KAT7: variants seen among roughly 807,000 people sequenced by gnomAD.
The protein encoded by KAT7 is histone acetyltransferase KAT7.
In KAT7, 10 loss-of-function variants were observed where a neutral mutation model predicts 82.1. The observed-to-expected ratio is 0.12, with a 90% CI of 0.08 to 0.21. KAT7 has a LOEUF of 0.21. Ranked by LOEUF, KAT7 falls within the 10% of genes least tolerant of loss-of-function variation. The pLI, the probability that KAT7 is intolerant of heterozygous loss-of-function variation, is 1.00. For synonymous variants in KAT7, 250 were observed against 262.5 expected, an observed-to-expected ratio of 0.95 and a Z score of 0.46; for missense variants, 378 against 760.9, an observed-to-expected ratio of 0.50 and a Z score of 5.92.
rs2074226600 is a variant in KAT7 at position 49,815,818 on chromosome 17, T to C, written c.868T>C (p.Tyr290His). 6.2e-7 allele frequency: 1 copy of C among 1,608,754 alleles called. No individual in the cohort carries two copies. The highest frequency in any genetic ancestry group is 8.5e-7 in the Non-Finnish European group (1 of 1,176,038). The change falls in exon 8 of 15, where the codon TAT becomes CAT. Residue 290 changes from tyrosine to histidine, a missense_variant. By Grantham distance (83) the Tyr-to-His change is moderately conservative (BLOSUM62 2). Coordinates refer to ENST00000259021, the MANE Select transcript of KAT7 (RefSeq NM_007067.5). The part of the protein sequence containing the change: ...KEKYMEHRQT[Y>H]GNTREPLLEN... ...ATTTTCCTAGGAACACAGACAGACC[T>C]ATGGGAACACACGGGAACCTCTTTT...
At position 49,820,568 on chromosome 17, in the gene KAT7, C is replaced by T. The variant is rs118013804; in HGVS notation, c.1156-769C>T. On this transcript the variant is annotated intron_variant, in intron 9 of 14. Transcript: ENST00000259021. ...TGCTGGGATTACAGGCGTGAGCCAC[C>T]GCATCAGGCCTTAAACATTTTAAAA... Among the ~76,000 whole-genome samples, 1,288 of 152,198 alleles carry T rather than the reference C, an allele frequency of 8.5e-3. 6 individuals are homozygous for T. The highest frequency in any genetic ancestry group is 0.011 in the Non-Finnish European group (781 of 68,018).
At position 49,827,669 on chromosome 17, in the gene KAT7, G is replaced by A. The variant is rs1007400203; in HGVS notation, c.*167G>A. ...TCCGACCTTTGTGTACACTGCAGAC[G>A]CTGGTTCTGAGGAACTGTTGTTTCG... On this transcript the variant is annotated 3_prime_UTR_variant, in exon 15 of 15. Coordinates refer to ENST00000259021, the MANE Select transcript of KAT7 (RefSeq NM_007067.5). The A allele has an allele frequency of 2.3e-5, 14 of 601,436 alleles. No individual in the cohort carries two copies. The highest frequency in any genetic ancestry group is 3.9e-5 in the Non-Finnish European group (13 of 336,596). 37.3% of individuals were successfully genotyped at this position (601,436 alleles called of 1,614,324 possible).
intron 2 of KAT7, among the ~76,000 whole-genome samples, chr17:49,795,032 T>C (rs917035814): frequency 2.0e-5 from 3 of 151,914 alleles, no homozygotes; most frequent in African/African-American, 7.3e-5. Context: ...TAAATATACG[T>C]TGGGGGGTGC....
chr17:49,823,554 G>T (rs1398935159), intron 12 of KAT7: 2 of 376,240 alleles, frequency 5.3e-6, no homozygotes, highest in Non-Finnish European at 9.7e-6. Context: ...GATTATCCCA[G>T]TTTGAGACTT....
chr17:49,828,342 C>T lies in KAT7; in HGVS notation c.*840C>T, dbSNP rs2074392175. On this transcript the variant is annotated 3_prime_UTR_variant, in exon 15 of 15. Coordinates refer to ENST00000259021, the MANE Select transcript of KAT7 (RefSeq NM_007067.5). Reference sequence around the variant, plus strand: ...TTTGCAGGTGCCAAAGTAATGTCCACTTTTCCCTTTCATGCTGCATATTAA... The same window carrying T: ...TTTGCAGGTGCCAAAGTAATGTCCATTTTTCCCTTTCATGCTGCATATTAA... The T allele has an allele frequency of 6.6e-6, 1 of 152,218 alleles. No homozygotes were observed. The highest frequency in any genetic ancestry group is 6.5e-5 in the Admixed American group (1 of 15,278). 9.4% of individuals were successfully genotyped at this position (152,218 alleles called of 1,614,324 possible). A position where few individuals can be genotyped will look rare whatever the true frequency, so the allele number is the denominator to read the frequency against.
intron 11 of KAT7, among the ~76,000 whole-genome samples, chr17:49,821,998 T>G (rs1267383029): frequency 6.6e-6 from 1 of 152,086 alleles, no homozygotes; most frequent in East Asian, 1.9e-4. Flanking sequence ...TCTGGTTCAT[T>G]CATTTCTAGA....
chr17:49,821,188 T>A lies in KAT7; in HGVS notation c.1156-149T>A, dbSNP rs553600036. 6.3e-5 allele frequency: 37 copies of A among 589,080 alleles called. 1 individual carries two copies. In the South Asian group the frequency reaches 8.6e-4, roughly 14 times the overall value. 36.5% of individuals were successfully genotyped at this position (589,080 alleles called of 1,614,324 possible). The stretch of plus-strand genomic sequence containing the variant: ...TTTGGAAGCCTTTGTTTTATGGAAA[T>A]AAAATCTCTGTTTTGCTGTATGTTC... On this transcript the variant is annotated intron_variant, in intron 9 of 14. Coordinates refer to ENST00000259021, the MANE Select transcript of KAT7 (RefSeq NM_007067.5).
At chr17:49,793,119 T>A (rs1467212163) in intron 2 of KAT7, among the ~76,000 whole-genome samples, 1 of 152,174 alleles carries the variant, frequency 6.6e-6, no homozygotes, top group Non-Finnish European at 1.5e-5. Context: ...AGCCTGTAAA[T>A]GCATTTTTAA....
rs1239266075 is a variant in KAT7 at position 49,830,143 on chromosome 17, GC to G, written c.*2642del. ...TCCGCCCACCTTGGCCTCCCAAAGT[GC>G]TGGGATTACAGGCGTGAGCCACTGC... On this transcript the variant is annotated 3_prime_UTR_variant, in exon 15 of 15. Coordinates refer to ENST00000259021, the MANE Select transcript of KAT7 (RefSeq NM_007067.5). 2.0e-5 allele frequency: 3 copies of G among 148,054 alleles called. No individual in the cohort carries two copies. Among genetic ancestry groups the G allele is most frequent in the African/African-American group, 7.5e-5 (3 of 39,782 alleles). 9.2% of individuals were successfully genotyped at this position (148,054 alleles called of 1,614,324 possible). A position where few individuals can be genotyped will look rare whatever the true frequency, so the allele number is the denominator to read the frequency against.
In KAT7 at chr17:49,833,476, A is replaced by G. The variant is rs1482332882; in HGVS notation, c.*5974A>G. The G allele has an allele frequency of 6.6e-6, 1 of 152,070 alleles. No homozygotes were observed. Among genetic ancestry groups the G allele is most frequent in the Non-Finnish European group, 1.5e-5 (1 of 68,010 alleles). 9.4% of individuals were successfully genotyped at this position (152,070 alleles called of 1,614,324 possible). A position where few individuals can be genotyped will look rare whatever the true frequency, so the allele number is the denominator to read the frequency against. ...GCACGTGCTATTTCCAATAAGGTCTATTTTTTTCTACAGTGAGGGCTGAAC... is the reference window on the plus strand; with the variant it reads ...GCACGTGCTATTTCCAATAAGGTCTGTTTTTTTCTACAGTGAGGGCTGAAC... On this transcript the variant is annotated 3_prime_UTR_variant, in exon 15 of 15. Transcript: ENST00000259021.
intron 4 of KAT7, among the ~76,000 whole-genome samples, chr17:49,801,558 C>T (rs1256139196): frequency 2.0e-5 from 3 of 152,086 alleles, no homozygotes; most frequent in Non-Finnish European, 4.4e-5. Context: ...GGTGCAATCT[C>T]AGCTCACTGC....
At chr17:49,826,370 C>G in intron 13 of KAT7, 1 of 515,076 alleles carries the variant, frequency 1.9e-6, no homozygotes, top group Non-Finnish European at 3.4e-6. Flanking sequence ...TTATAAAAGT[C>G]AAGAAGCAAA....
chr17:49,824,841 G>A (rs958344739), intron 12 of KAT7: 9 of 151,684 alleles, frequency 5.9e-5, no homozygotes, highest in South Asian at 2.1e-4. Context: ...AGTAATTACC[G>A]TTTTTTGGGG....
intron 7 of KAT7, among the ~76,000 whole-genome samples, chr17:49,812,166 T>C (rs557395017): frequency 6.6e-6 from 1 of 152,078 alleles, no homozygotes; most frequent in African/African-American, 2.4e-5. Flanking sequence ...TTTTTCACAA[T>C]CTCTTATTTA....
At chr17:49,808,167 G>T (rs1598068586) in intron 5 of KAT7, among the ~76,000 whole-genome samples, 1 of 146,452 alleles carries the variant, frequency 6.8e-6, no homozygotes, top group South Asian at 2.2e-4. Context: ...TGTCACCCAG[G>T]CTGGAGTGCA....
chr17:49,817,332 A>G (rs1000259632), intron 8 of KAT7, among the ~76,000 whole-genome samples: 3 of 152,180 alleles, frequency 2.0e-5, no homozygotes, highest in Admixed American at 6.5e-5. Context: ...TCTGGGCAGT[A>G]TGGGTAGTAA....
chr17:49,813,805 G>T (rs1423109858), intron 7 of KAT7, among the ~76,000 whole-genome samples: 1 of 151,892 alleles, frequency 6.6e-6, no homozygotes. Flanking sequence ...TTTGTTATAT[G>T]CAGGGAGGTT....
intron 6 of KAT7, among the ~76,000 whole-genome samples, chr17:49,810,583 C>T (rs2074150353): frequency 6.6e-6 from 1 of 152,112 alleles, no homozygotes; most frequent in African/African-American, 2.4e-5. Flanking sequence ...TTCAGTTTTT[C>T]TATTTAAATT....
rs765495983 is a variant in KAT7 at position 49,798,312 on chromosome 17, G to C, written c.341-7G>C. 3 of 1,612,314 alleles carry C rather than the reference G, an allele frequency of 1.9e-6. No individual in the cohort carries two copies. Among genetic ancestry groups the C allele is most frequent in the Non-Finnish European group, 8.5e-7 (1 of 1,178,624 alleles). On this transcript the variant is annotated splice_region_variant and splice_polypyrimidine_tract_variant and intron_variant, in intron 3 of 14. Coordinates refer to ENST00000259021, the MANE Select transcript of KAT7 (RefSeq NM_007067.5). ...CTCATAACTTCTACCAATTGCTTTTGCTTTAGAAACTAAAAATACAGCTGA... is the reference window on the plus strand; with the variant it reads ...CTCATAACTTCTACCAATTGCTTTTCCTTTAGAAACTAAAAATACAGCTGA...
Sources: gnomAD v4.1 joint callset for allele counts (sites outside exome capture counted in the v4.1 genomes callset) on GRCh38, gnomAD v4.1.1 for gene constraint, MANE v1.5 for transcripts, NCBI Gene and HGNC (gene_info 2026-07-23, HGNC 2026-07-21) for gene names.